The following PLCB3 variants were observed in gnomAD, a reference collection of about 807,000 sequenced individuals.
PLCB3 encodes phospholipase C beta 3.
Under a neutral mutation model 152.1 loss-of-function variants are expected in PLCB3, and 54 were observed. The observed-to-expected ratio is 0.36, with a 90% CI of 0.29 to 0.45. PLCB3 has a LOEUF of 0.45. PLCB3 is among the 20% of genes least tolerant of loss of function. The probability of loss-of-function intolerance (pLI) is 1.00; values close to 1 mark genes in which losing one functional copy is unlikely to be tolerated. For missense variants in PLCB3, 1,248 were observed against 1,687.5 expected (o/e 0.74, Z 4.56); for synonymous variants, 717 against 698.7 (o/e 1.03, Z -0.41).
chr11:64,257,425 G>T (rs1023346160), intron 10 of PLCB3, among the ~76,000 whole-genome samples: 5 of 152,056 alleles, frequency 3.3e-5, no homozygotes, highest in African/African-American at 1.2e-4. Flanking sequence ...ACCAGTCTGG[G>T]CAACATAGCA....
Position 64,267,648 on chromosome 11 carries a change from CT to C in PLCB3, c.*97del. The C allele has an allele frequency of 7.7e-6, 7 of 904,260 alleles. No homozygotes were observed. Among genetic ancestry groups the C allele is most frequent in the Non-Finnish European group, 9.8e-6 (6 of 614,066 alleles). The allele number at this position is 904,260 out of a possible 1,614,324, so 56.0% of individuals were successfully genotyped here. On this transcript the variant is annotated 3_prime_UTR_variant, in exon 31 of 31. Transcript: ENST00000279230. The surrounding 1 kb of genome is among the most constrained non-coding windows in gnomAD (Gnocchi z 5.2). ...TAATGCTTTTTTTTTTTTTTTTTAA[CT>C]TTTTATCTAGAAATTTTATTTTTTT...
chr11:64,264,171 A>G, intron 22 of PLCB3, 59 bp downstream of exon 22: 1 of 1,165,078 alleles, frequency 8.6e-7, no homozygotes, highest in East Asian at 2.5e-5. Context: ...GCTGGACATG[A>G]CTGCTGTGGC....
intron 19 of PLCB3, 93 bp downstream of exon 19, chr11:64,262,901 T>C: frequency 1.0e-5 from 14 of 1,338,814 alleles, no homozygotes; most frequent in Non-Finnish European, 1.5e-5. Flanking sequence ...AGGCACACCG[T>C]TGGCGACTGG....
chr11:64,255,560 G>A lies in PLCB3; in HGVS notation c.541G>A (p.Ala181Thr), dbSNP rs376722661. 1.7e-5 allele frequency: 27 copies of A among 1,590,720 alleles called. No individual in the cohort carries two copies. In the Admixed American group the frequency reaches 4.2e-4, roughly 25 times the overall value. The change falls in exon 7 of 31, where the codon GCA (alanine) becomes ACA (threonine). Residue 181 changes from alanine (A) to threonine (T), a missense_variant. By Grantham distance (58) the Ala-to-Thr change is moderately conservative. Coordinates refer to ENST00000279230, the MANE Select transcript of PLCB3 (RefSeq NM_000932.5). The surrounding 1 kb of genome is among the most constrained non-coding windows in gnomAD (Gnocchi z 6.8). ...CATCAGCATCCTGAAGATGTTCTCA[G>A]CAGACAAGAAGCGGGTGGAGACTGC... ...PVKNILKMFS[A>T]DKKRVETALE...
chr11:64,260,611 G>GA (rs551721077), intron 14 of PLCB3, among the ~76,000 whole-genome samples: 143 of 151,836 alleles, frequency 9.4e-4, no homozygotes, highest in African/African-American at 3.4e-3. Flanking sequence ...GAATGGTACA[G>GA]AAAAAATCAG....
At position 64,267,350 on chromosome 11, in the gene PLCB3, C is replaced by T. The variant is rs200347031; in HGVS notation, c.3502-3C>T. 1.9e-5 allele frequency: 29 copies of T among 1,547,646 alleles called. No homozygotes were observed. The Admixed American group carries it at 4.3e-4, about 23-fold the overall frequency. The stretch of plus-strand genomic sequence containing the variant: ...GCCTGTGATGCCCATCCTTCTCCCA[C>T]AGCTGCTGGCCCAGCTGGCCCAGGA... On this transcript the variant is annotated splice_region_variant and splice_polypyrimidine_tract_variant and intron_variant, in intron 30 of 30. Coordinates refer to ENST00000279230, the MANE Select transcript of PLCB3 (RefSeq NM_000932.5). The surrounding 1 kb of genome is among the most constrained non-coding windows in gnomAD (Gnocchi z 5.2).
rs147004530 is a variant in PLCB3 at position 64,261,503 on chromosome 11, G to T, written c.1828+7G>T. On this transcript the variant is annotated splice_region_variant and intron_variant, in intron 15 of 30. Transcript: ENST00000279230. Reference sequence around the variant, plus strand: ...TCCTTTGAGGCTGCTCGAAGTGAGTGGGGGTGGGTGGCAGGCATGGGAGCT... The same window carrying T: ...TCCTTTGAGGCTGCTCGAAGTGAGTTGGGGTGGGTGGCAGGCATGGGAGCT... 65 of 1,612,926 alleles carry T rather than the reference G, an allele frequency of 4.0e-5. No homozygotes were observed. The highest frequency in any genetic ancestry group is 5.4e-5 in the Non-Finnish European group (64 of 1,178,856).
At chr11:64,259,351 G>A (rs1020749264) in intron 13 of PLCB3, 107 bp downstream of exon 13, 9 of 959,182 alleles carry the variant, frequency 9.4e-6, no homozygotes, top group Middle Eastern at 3.4e-4. Context: ...CTCCTGCCTC[G>A]CTGTGCGCCT....
In PLCB3 at chr11:64,265,937, G is replaced by A. The variant is rs2032094843; in HGVS notation, c.3087G>A (p.Lys1029=). ...EDTKEGEDEA[K]RYQEFQNRQV... ...CGAAGGAGGGGGAGGACGAGGCAAA[G>A]CGGTATCAGGAGTTCCAGAACAGAC... The change falls in exon 26 of 31, where the codon AAG becomes AAA. Residue 1029 remains lysine (K), a synonymous_variant. Coordinates refer to ENST00000279230, the MANE Select transcript of PLCB3 (RefSeq NM_000932.5). The A allele has an allele frequency of 1.9e-6, 3 of 1,613,660 alleles. No homozygotes were observed. In the South Asian group the frequency reaches 3.3e-5, roughly 18 times the overall value.
chr11:64,265,435 C>T lies in PLCB3; in HGVS notation c.2968C>T (p.Arg990Cys), dbSNP rs753345370. The change falls in exon 25 of 31, where the codon CGC becomes TGC. Residue 990 changes from arginine (R) to cysteine (C), a missense_variant. Arg to Cys is a radical substitution (Grantham distance 180). Coordinates refer to ENST00000279230, the MANE Select transcript of PLCB3 (RefSeq NM_000932.5). ...KHQRKAVTLT[R>C]RLLDGLAQAQ... ...TCAGCGGAAGGCAGTCACCCTCACC[C>T]GCCGCCTGCTGGATGGCCTGGCTCA... The T allele has an allele frequency of 3.1e-6, 5 of 1,611,032 alleles. No homozygotes were observed. The highest frequency in any genetic ancestry group is 1.3e-5 in the African/African-American group (1 of 74,924).
chr11:64,261,792 G>A (rs1056868072), intron 16 of PLCB3, 127 bp downstream of exon 16: 1 of 1,418,080 alleles, frequency 7.1e-7, no homozygotes, highest in Non-Finnish European at 9.9e-7. Context: ...CCTGCACCCT[G>A]GCCTGGGGCT....
chr11:64,260,017 T>C lies in PLCB3; in HGVS notation c.1526-12T>C, dbSNP rs140750167. Reference sequence around the variant, plus strand: ...GTCCTGACCCCTCACCCTGTGGCCCTGTCCTCTGCAGGGTCTCCCAGCTCT... The same window carrying C: ...GTCCTGACCCCTCACCCTGTGGCCCCGTCCTCTGCAGGGTCTCCCAGCTCT... On this transcript the variant is annotated splice_polypyrimidine_tract_variant and intron_variant, in intron 13 of 30. Transcript: ENST00000279230. The C allele has an allele frequency of 1.3e-3, 2,069 of 1,608,624 alleles. 1 individual carries two copies. Among genetic ancestry groups the C allele is most frequent in the Non-Finnish European group, 1.7e-3 (1,969 of 1,178,168 alleles).
At chr11:64,262,614 G>A in intron 18 of PLCB3, 33 bp from the exon 19 acceptor site, 1 of 1,612,638 alleles carries the variant, frequency 6.2e-7, no homozygotes, top group Non-Finnish European at 8.5e-7. Context: ...AGGACTCTCA[G>A]CATCCGCCTC....
chr11:64,262,603 C>T (rs1372916256), intron 18 of PLCB3, 42 bp downstream of exon 18: 1 of 1,612,260 alleles, frequency 6.2e-7, no homozygotes, highest in Non-Finnish European at 8.5e-7. Flanking sequence ...GTCCTGGGGG[C>T]AGGACTCTCA....
rs1185888068 is a variant in PLCB3, at chr11:64,255,942, G to A, written c.698+121G>A. 17 of 760,022 alleles carry A rather than the reference G, an allele frequency of 2.2e-5. No homozygotes were observed. The highest frequency in any genetic ancestry group is 6.8e-5 in the African/African-American group (4 of 58,460). 47.1% of individuals were successfully genotyped at this position (760,022 alleles called of 1,614,324 possible). The stretch of plus-strand genomic sequence containing the variant: ...GCCGGGTCCTGGAGCGCCAGGGGGC[G>A]GAGGGGTGCCCAGGGAGAACCTGTC... On this transcript the variant is annotated intron_variant, in intron 8 of 30. Coordinates refer to ENST00000279230, the MANE Select transcript of PLCB3 (RefSeq NM_000932.5). This position sits in a 1 kb window ranked among gnomAD's most constrained non-coding sequence, Gnocchi z 6.8.
rs762633301 is a variant in PLCB3 at position 64,255,345 on chromosome 11, G to A, written c.467+32G>A. 9 of 1,613,678 alleles carry A rather than the reference G, an allele frequency of 5.6e-6. No homozygotes were observed. The highest frequency in any genetic ancestry group is 1.6e-4 in the Middle Eastern group (1 of 6,082). ...CCCAGGCCACCCGAGGGGGAGCCGG[G>A]GGGTTCACGTGGCCGTTTTCAGGGT... On this transcript the variant is annotated intron_variant, in intron 5 of 30. Coordinates refer to ENST00000279230, the MANE Select transcript of PLCB3 (RefSeq NM_000932.5). The surrounding 1 kb of genome is among the most constrained non-coding windows in gnomAD (Gnocchi z 6.8).
chr11:64,266,783 C>T lies in PLCB3; in HGVS notation c.3414+231C>T, dbSNP rs1198769754. On this transcript the variant is annotated intron_variant, in intron 29 of 30. Transcript: ENST00000279230. This position sits in a 1 kb window ranked among gnomAD's most constrained non-coding sequence, Gnocchi z 4.9. ...CCTCTCACAACCCTGATACATTGCC[C>T]TGGGAGCCTTCGCCCACCTGACTTC... Among the ~76,000 whole-genome samples the T allele has an allele frequency of 6.6e-6, 1 of 152,108 alleles. No homozygotes were observed.
chr11:64,256,262 TG>T (rs774364810), intron 8 of PLCB3, 113 bp from the exon 9 acceptor site: 3 of 895,602 alleles, frequency 3.3e-6, no homozygotes, highest in Non-Finnish European at 5.1e-6. Context: ...TCCCACTCAC[TG>T]GGTGCCAGAT....
At chr11:64,263,846 G>A (rs1316515610) in intron 21 of PLCB3, 51 bp downstream of exon 21, 2 of 1,484,612 alleles carry the variant, frequency 1.3e-6, no homozygotes, top group South Asian at 1.1e-5. Context: ...TGAGGGACAA[G>A]GGCCACCCCC....
Sources: gnomAD v4.1 joint callset for allele counts (sites outside exome capture counted in the v4.1 genomes callset) on GRCh38, gnomAD v4.1.1 for gene constraint, Gnocchi (gnomAD v3.1) non-coding constraint, MANE v1.5 for transcripts, NCBI Gene and HGNC (gene_info 2026-07-23, HGNC 2026-07-21) for gene names.